The following FAM91A1 variants were observed in gnomAD, a reference collection of about 807,000 sequenced individuals.
FAM91A1 encodes the protein family with sequence similarity 91 member A1, also known as protein FAM91A1.
In FAM91A1, 41 loss-of-function variants were observed where a neutral mutation model predicts 113.5. The observed-to-expected ratio is 0.36, with a 90% CI of 0.28 to 0.47. FAM91A1 has a LOEUF of 0.47. Among genes scored for constraint, FAM91A1 ranks in the 20% least tolerant of loss-of-function variants. The pLI is 1.00. For synonymous variants in FAM91A1, 307 were observed against 347.9 expected, an observed-to-expected ratio of 0.88 and a Z score of 1.31; for missense variants, 696 against 1,001.2, an observed-to-expected ratio of 0.70 and a Z score of 4.11.
Position 123,768,641 on chromosome 8 carries a change from A to C in FAM91A1, c.-62A>C. Reference sequence around the variant, plus strand: ...CTCCGCTGACAGGCTGCGGGCGGGCAGGCGGGAGGCGTAGTGTGGGTCGCG... The same window carrying C: ...CTCCGCTGACAGGCTGCGGGCGGGCCGGCGGGAGGCGTAGTGTGGGTCGCG... On this transcript the variant is annotated 5_prime_UTR_variant, in exon 1 of 24. Transcript: ENST00000334705. 1 of 1,423,338 alleles carries C rather than the reference A, an allele frequency of 7.0e-7. No individual in the cohort carries two copies. The highest frequency in any genetic ancestry group is 9.5e-7 in the Non-Finnish European group (1 of 1,047,830). The allele number at this position is 1,423,338 out of a possible 1,614,324, so 88.2% of individuals were successfully genotyped here.
intron 14 of FAM91A1, among the ~76,000 whole-genome samples, chr8:123,788,808 T>C (rs1815317047): frequency 6.6e-6 from 1 of 152,190 alleles, no homozygotes; most frequent in Non-Finnish European, 1.5e-5. Flanking sequence ...ATCTATGTTC[T>C]TTTTCATCAC....
intron 18 of FAM91A1, among the ~76,000 whole-genome samples, chr8:123,803,047 CCT>C (rs1391791571): frequency 6.6e-6 from 1 of 152,114 alleles, no homozygotes; most frequent in Non-Finnish European, 1.5e-5. Context: ...GTGGCTCACG[CCT>C]GTAATTCCAG....
intron 15 of FAM91A1, among the ~76,000 whole-genome samples, chr8:123,795,983 C>T (rs1272887924): frequency 1.3e-5 from 2 of 152,186 alleles, no homozygotes; most frequent in Non-Finnish European, 2.9e-5. Flanking sequence ...GGACTGGTTC[C>T]TTTGATGTTT....
intron 14 of FAM91A1, chr8:123,788,140 T>C: frequency 1.1e-6 from 1 of 945,262 alleles, no homozygotes; most frequent in Non-Finnish European, 1.3e-6. Flanking sequence ...TCCATTTACC[T>C]TGAATCTGGA....
chr8:123,797,943 C>T, intron 15 of FAM91A1, 147 bp from the exon 16 acceptor site: 2 of 870,344 alleles, frequency 2.3e-6, no homozygotes, highest in Non-Finnish European at 3.5e-6. Context: ...TGGTGGTCTC[C>T]TAGGAAATTT....
At chr8:123,801,682 C>T (rs866330917) in intron 18 of FAM91A1, among the ~76,000 whole-genome samples, 3 of 151,908 alleles carry the variant, frequency 2.0e-5, no homozygotes, top group African/African-American at 7.3e-5. Flanking sequence ...AGCCTTGGGG[C>T]AAGGAGAAGG....
In FAM91A1 at chr8:123,808,393, T is replaced by C; in HGVS notation, c.2137+17T>C. On this transcript the variant is annotated intron_variant, in intron 21 of 23. Transcript: ENST00000334705. ...AAACCTCTGGTATGGTGCTAAAACT[T>C]TTTCCAATTTTATTAGACTAATTTC... The C allele has an allele frequency of 1.3e-6, 2 of 1,598,900 alleles. No homozygotes were observed. Among genetic ancestry groups the C allele is most frequent in the Admixed American group, 1.7e-5 (1 of 58,198 alleles).
At chr8:123,788,361 G>A (rs1815307227) in intron 14 of FAM91A1, 1 of 579,646 alleles carries the variant, frequency 1.7e-6, no homozygotes, top group Non-Finnish European at 2.2e-6. Flanking sequence ...TAGTTTGTGT[G>A]CCTAATCTGT....
chr8:123,785,019 C>A, intron 9 of FAM91A1, 62 bp from the exon 10 acceptor site: 1 of 1,272,694 alleles, frequency 7.9e-7, no homozygotes, highest in Non-Finnish European at 1.1e-6. Flanking sequence ...TGGTCTATTA[C>A]AACTGTGTAA....
intron 18 of FAM91A1, among the ~76,000 whole-genome samples, chr8:123,802,092 AG>A (rs930650035): frequency 2.1e-4 from 32 of 152,048 alleles, no homozygotes; most frequent in African/African-American, 7.7e-4. Flanking sequence ...TAGCAATTAC[AG>A]GGGGGTAACA....
chr8:123,770,247 AG>A (rs1247113566), intron 1 of FAM91A1, among the ~76,000 whole-genome samples: 2 of 152,222 alleles, frequency 1.3e-5, no homozygotes, highest in Admixed American at 1.3e-4. Flanking sequence ...CACAGTGCCC[AG>A]CCAGTATGAG....
rs1471339988 is a variant in FAM91A1, at chr8:123,774,203, A to G, written c.157+39A>G. 5 of 1,432,918 alleles carry G rather than the reference A, an allele frequency of 3.5e-6. No homozygotes were observed. The African/African-American group carries it at 4.3e-5, about 12-fold the overall frequency. 88.8% of individuals were successfully genotyped at this position (1,432,918 alleles called of 1,614,324 possible). A position where few individuals can be genotyped will look rare whatever the true frequency, so the allele number is the denominator to read the frequency against. The stretch of plus-strand genomic sequence containing the variant: ...TGTTTATATTGGGGTGGAACTGACC[A>G]CTACTCTTTCACATTCGTAAATCTT... On this transcript the variant is annotated intron_variant, in intron 2 of 23. Transcript: ENST00000334705.
chr8:123,804,472 C>A (rs1177677061), intron 18 of FAM91A1, among the ~76,000 whole-genome samples: 2 of 95,428 alleles, frequency 2.1e-5, no homozygotes, highest in Non-Finnish European at 3.7e-5. Context: ...GTCTGAGTAA[C>A]AGAGCAAGAC....
At chr8:123,773,174 G>A (rs1345116542) in intron 1 of FAM91A1, among the ~76,000 whole-genome samples, 4 of 152,196 alleles carry the variant, frequency 2.6e-5, no homozygotes, top group Admixed American at 2.6e-4. Context: ...AGTTTACTTA[G>A]ATGTGAGTTT....
intron 21 of FAM91A1, 46 bp from the exon 22 acceptor site, chr8:123,808,847 A>G (rs754436688): frequency 6.7e-7 from 1 of 1,491,660 alleles, no homozygotes; most frequent in Non-Finnish European, 9.1e-7. Context: ...TATATACATA[A>G]GTAGATATAT....
At chr8:123,774,551 A>G (rs1814932851) in intron 2 of FAM91A1, among the ~76,000 whole-genome samples, 1 of 152,092 alleles carries the variant, frequency 6.6e-6, no homozygotes, top group Non-Finnish European at 1.5e-5. Context: ...ATTGGGACAC[A>G]TTTTAAACAT....
At chr8:123,781,089 A>G (rs73703656) in intron 8 of FAM91A1, among the ~76,000 whole-genome samples, 6,726 of 152,236 alleles carry the variant, frequency 0.044, 188 homozygotes, top group African/African-American at 0.075. Context: ...TTTTGCCACT[A>G]CAATACTGAT....
intron 12 of FAM91A1, among the ~76,000 whole-genome samples, chr8:123,787,010 C>T (rs1421469155): frequency 6.6e-6 from 1 of 152,142 alleles, no homozygotes; most frequent in African/African-American, 2.4e-5. Context: ...GCCATTTCAG[C>T]CCGAGAGAAT....
intron 8 of FAM91A1, among the ~76,000 whole-genome samples, chr8:123,783,281 T>G (rs1330030880): frequency 6.6e-6 from 1 of 152,176 alleles, no homozygotes; most frequent in Admixed American, 6.5e-5. Flanking sequence ...ATAAAGTACT[T>G]GGTAATAGCC....
Sources: gnomAD v4.1 joint callset for allele counts (sites outside exome capture counted in the v4.1 genomes callset) on GRCh38, gnomAD v4.1.1 for gene constraint, MANE v1.5 for transcripts, NCBI Gene and HGNC (gene_info 2026-07-23, HGNC 2026-07-21) for gene names.